Variants in SRPRA observed in about 807,000 individuals in gnomAD.
SRPRA encodes SRP receptor subunit alpha, also known as signal recognition particle receptor subunit alpha.
SRPRA carries 30 observed loss-of-function variants against 61.1 expected under a neutral mutation model. The ratio of observed to expected loss-of-function variants is 0.49; its 90% CI spans 0.37 to 0.67. The LOEUF (loss-of-function observed/expected upper bound fraction) is 0.67. SRPRA is among the 30% of genes least tolerant of loss of function. The pLI is 0.00. For synonymous variants in SRPRA, 324 were observed against 299.7 expected, an observed-to-expected ratio of 1.08 and a Z score of -0.84; for missense variants, 759 against 828.4, an observed-to-expected ratio of 0.92 and a Z score of 1.03.
At chr11:126,256,215 G>A in the SRPRA span, among the ~76,000 whole-genome samples, 4 of 152,300 alleles carry the variant, frequency 2.6e-5, no homozygotes, top group East Asian at 1.9e-4. The surrounding 1 kb of genome is among the most constrained non-coding windows in gnomAD (Gnocchi z 6.6). Flanking sequence ...GCAGTAAGCC[G>A]AGGTCACACC....
At chr11:126,254,493 T>TA in the SRPRA span, 2 of 1,600,328 alleles carry the variant, frequency 1.2e-6, no homozygotes, top group Non-Finnish European at 1.7e-6. Context: ...TCTCTAAATA[T>TA]GCCATAGATC....
rs1475780322 is a variant in SRPRA, at chr11:126,264,702, A to G, written c.1526-163T>C. 2 of 869,590 alleles carry G rather than the reference A, an allele frequency of 2.3e-6. No individual in the cohort carries two copies. The highest frequency in any genetic ancestry group is 1.7e-5 in the African/African-American group (1 of 58,788). The allele number at this position is 869,590 out of a possible 1,614,324, so 53.9% of individuals were successfully genotyped here. On this transcript the variant is annotated intron_variant, in intron 11 of 13. Coordinates refer to ENST00000332118, the MANE Select transcript of SRPRA (RefSeq NM_003139.4). The surrounding 1 kb of genome is among the most constrained non-coding windows in gnomAD (Gnocchi z 5.0). ...AAACTTGATTATATGCTTGGCCATC[A>G]CCAAACATATTCAGGAAAAGGAGGA...
the SRPRA span, among the ~76,000 whole-genome samples, chr11:126,242,856 G>T: frequency 3.9e-5 from 6 of 152,208 alleles, no homozygotes; most frequent in Non-Finnish European, 7.3e-5. Context: ...ACCAGCAACT[G>T]CACTCATAAG....
At chr11:126,256,972 T>G in the SRPRA span, 1 of 1,016,680 alleles carries the variant, frequency 9.8e-7, no homozygotes. The surrounding 1 kb of genome is among the most constrained non-coding windows in gnomAD (Gnocchi z 6.6). Context: ...CTGACCAAAT[T>G]GTAAAGGAGG....
the SRPRA span, among the ~76,000 whole-genome samples, chr11:126,241,544 T>G: frequency 2.0e-5 from 3 of 151,928 alleles, no homozygotes; most frequent in South Asian, 2.1e-4. Context: ...GTCTGAAAAT[T>G]TATTTATTTA....
At chr11:126,239,934 G>A in the SRPRA span, among the ~76,000 whole-genome samples, 25 of 152,310 alleles carry the variant, frequency 1.6e-4, no homozygotes, top group East Asian at 4.4e-3. Flanking sequence ...CCTTTCTTGA[G>A]TTATGCCAAA....
chr11:126,256,761 G>A, the SRPRA span: 4 of 1,614,124 alleles, frequency 2.5e-6, no homozygotes, highest in Non-Finnish European at 3.4e-6. The surrounding 1 kb of genome is among the most constrained non-coding windows in gnomAD (Gnocchi z 6.6). Flanking sequence ...TGGACAAGGG[G>A]ATTAAAGTCA....
the SRPRA span, among the ~76,000 whole-genome samples, chr11:126,243,239 G>A: frequency 1.3e-5 from 2 of 152,196 alleles, no homozygotes; most frequent in South Asian, 4.1e-4. Context: ...GTAGGAGGGA[G>A]TACTTCCAAC....
the SRPRA span, among the ~76,000 whole-genome samples, chr11:126,243,116 G>A: frequency 1.3e-5 from 2 of 152,164 alleles, no homozygotes; most frequent in Non-Finnish European, 2.9e-5. Flanking sequence ...GACATATATT[G>A]TATGATTCCA....
the SRPRA span, chr11:126,240,673 G>C: frequency 1.9e-6 from 2 of 1,061,826 alleles, no homozygotes; most frequent in South Asian, 2.0e-5. Flanking sequence ...AAAAACTGCT[G>C]TTCATCTTCT....
At chr11:126,241,418 T>A in the SRPRA span, 1 of 173,464 alleles carries the variant, frequency 5.8e-6, no homozygotes, top group Non-Finnish European at 1.2e-5. Flanking sequence ...ATTTTATACA[T>A]GAAACAAAAC....
rs1399171796 is a variant in SRPRA, at chr11:126,267,200, G to A, written c.501C>T (p.Ser167=). Residue 167 remains serine (S), a synonymous_variant, in exon 4 of 14, where the codon AGC becomes AGT. Transcript: ENST00000332118. This position sits in a 1 kb window ranked among gnomAD's most constrained non-coding sequence, Gnocchi z 4.2. ...CTTCCTTCTTGGCCCCCTTTTTTTT[G>A]CTATTCTTTGCTTTTTCCTTGGGCT... ...GEKPKEKAKN[S]KKKGAKKEGS... 6.2e-7 allele frequency: 1 copy of A among 1,608,712 alleles called. No homozygotes were observed.
chr11:126,239,455 A>G, the SRPRA span, among the ~76,000 whole-genome samples: 1 of 152,220 alleles, frequency 6.6e-6, no homozygotes, highest in Admixed American at 6.5e-5. Context: ...GGATTTGTGT[A>G]TGCTTCACTA....
chr11:126,262,509 AG>A (rs1256089164), downstream of SRPRA: 1 of 270,636 alleles, frequency 3.7e-6, no homozygotes, highest in Non-Finnish European at 6.9e-6. Flanking sequence ...CTCTTGTTGC[AG>A]TTTTGTACTC....
chr11:126,256,584 C>T, the SRPRA span: 1 of 1,613,848 alleles, frequency 6.2e-7, no homozygotes, highest in East Asian at 2.2e-5. The surrounding 1 kb of genome is among the most constrained non-coding windows in gnomAD (Gnocchi z 6.6). Flanking sequence ...TTCAGAAACT[C>T]TACGAAAACA....
At chr11:126,247,864 A>AT in the SRPRA span, among the ~76,000 whole-genome samples, 6 of 146,268 alleles carry the variant, frequency 4.1e-5, no homozygotes, top group African/African-American at 7.5e-5. Context: ...TCTCAAAAAA[A>AT]AAATATATAT....
At chr11:126,261,644 T>C (rs1399617138), downstream of SRPRA, among the ~76,000 whole-genome samples, 1 of 152,224 alleles carries the variant, frequency 6.6e-6, no homozygotes, top group East Asian at 1.9e-4. Flanking sequence ...AAGGATTCTA[T>C]CTTTTCCTAT....
rs369199415 is a variant in SRPRA at position 126,265,955 on chromosome 11, G to A, written c.1051+8C>T. On this transcript the variant is annotated splice_region_variant and intron_variant, in intron 8 of 13. Transcript: ENST00000332118. The surrounding 1 kb of genome is among the most constrained non-coding windows in gnomAD (Gnocchi z 6.3). ...CGAGTATGAGTCAGCCCGGTCCTCA[G>A]AACTTACCAATGAGATGATCACGCA... The A allele has an allele frequency of 2.7e-4, 429 of 1,613,786 alleles. No individual in the cohort carries two copies. The highest frequency in any genetic ancestry group is 3.5e-4 in the Non-Finnish European group (414 of 1,179,854).
Position 126,263,403 on chromosome 11 carries a change from T to C in SRPRA, c.*513A>G, listed in dbSNP as rs982341531. On this transcript the variant is annotated 3_prime_UTR_variant, in exon 14 of 14. Coordinates refer to ENST00000332118, the MANE Select transcript of SRPRA (RefSeq NM_003139.4). ...GTAGGAGTCATCATCAGAATTAGAA[T>C]TAGCAGCAATTAACAGGCAATACAC... The C allele has an allele frequency of 6.5e-6, 1 of 154,276 alleles. No homozygotes were observed. The highest frequency in any genetic ancestry group is 2.4e-5 in the African/African-American group (1 of 41,466). The allele number at this position is 154,276 out of a possible 1,614,324, so 9.6% of individuals were successfully genotyped here.
Sources: gnomAD v4.1 joint callset for allele counts (sites outside exome capture counted in the v4.1 genomes callset) on GRCh38, gnomAD v4.1.1 for gene constraint, Gnocchi (gnomAD v3.1) non-coding constraint, MANE v1.5 for transcripts, NCBI Gene and HGNC (gene_info 2026-07-23, HGNC 2026-07-21) for gene names.